Variants in PRKD3 observed in about 807,000 individuals in gnomAD.
PRKD3 encodes the protein serine/threonine-protein kinase D3.
In PRKD3, 47 loss-of-function variants were observed where a neutral mutation model predicts 99.2. The ratio of observed to expected loss-of-function variants is 0.47; its 90% CI spans 0.38 to 0.60. The LOEUF (loss-of-function observed/expected upper bound fraction) is 0.60, where lower values mean the gene tolerates loss of function less well. Ranked by LOEUF, PRKD3 falls within the 20% of genes least tolerant of loss-of-function variation. The pLI, the probability that PRKD3 is intolerant of heterozygous loss-of-function variation, is 0.00. For missense variants in PRKD3, 1,019 were observed against 1,088.4 expected, an observed-to-expected ratio of 0.94 and a Z score of 0.90; for synonymous variants, 392 against 355.4, an observed-to-expected ratio of 1.10 and a Z score of -1.16.
chr2:37,254,757 A>C (rs941856653), intron 17 of PRKD3, among the ~76,000 whole-genome samples: 2 of 152,170 alleles, frequency 1.3e-5, no homozygotes, highest in Non-Finnish European at 2.9e-5. Flanking sequence ...AATGCTAGAG[A>C]GCACTCTAGT....
chr2:37,271,845 T>C (rs921886854), intron 12 of PRKD3, among the ~76,000 whole-genome samples: 6 of 152,176 alleles, frequency 3.9e-5, no homozygotes, highest in Admixed American at 3.9e-4. Flanking sequence ...CCTAAGGTAC[T>C]TACTAAAAAG....
chr2:37,272,555 C>CATT, intron 11 of PRKD3, 123 bp from the exon 12 acceptor site: 4 of 1,252,016 alleles, frequency 3.2e-6, no homozygotes, highest in Non-Finnish European at 3.2e-6. Flanking sequence ...CAATTATGTA[C>CATT]ATTAACAAAA....
intron 7 of PRKD3, among the ~76,000 whole-genome samples, chr2:37,281,479 T>G (rs1249769661): frequency 6.6e-6 from 1 of 152,130 alleles, no homozygotes; most frequent in Admixed American, 6.5e-5. Context: ...GAAGGTGGTA[T>G]CTTTGGGATG....
chr2:37,259,492 A>C (rs768934253), intron 16 of PRKD3, 91 bp downstream of exon 16: 18 of 886,902 alleles, frequency 2.0e-5, no homozygotes, highest in Non-Finnish European at 3.0e-5. Context: ...ATGCATTTTT[A>C]ACCAACAGTA....
rs764038827 is a variant in PRKD3, at chr2:37,272,388, C to T, written c.1696G>A (p.Glu566Lys). The change falls in exon 12 of 19, where the codon GAG (glutamate) becomes AAG (lysine). Residue 566 changes from glutamate (E) to lysine (K), a missense_variant. By Grantham distance (56) the Glu-to-Lys change is moderately conservative. Coordinates refer to ENST00000234179, the MANE Select transcript of PRKD3 (RefSeq NM_005813.6). ...CTATAACGATTACTTACCACATTCT[C>T]CTGAATCTGACAATTAGATACAGAG... ...SISVSNCQIQ[E>K]NVDISTVYQI... 3 of 1,605,508 alleles carry T rather than the reference C, an allele frequency of 1.9e-6. No individual in the cohort carries two copies. The highest frequency in any genetic ancestry group is 2.5e-6 in the Non-Finnish European group (3 of 1,177,574).
intron 17 of PRKD3, among the ~76,000 whole-genome samples, chr2:37,255,568 G>A (rs890615489): frequency 5.9e-5 from 9 of 152,162 alleles, no homozygotes; most frequent in Non-Finnish European, 7.3e-5. Flanking sequence ...AGGTCCACAG[G>A]AGAGAGGAAA....
At chr2:37,293,394 C>T in intron 2 of PRKD3, 123 bp from the exon 3 acceptor site, 2 of 903,312 alleles carry the variant, frequency 2.2e-6, no homozygotes, top group Non-Finnish European at 3.1e-6. Context: ...GCTAACAATT[C>T]TATTGATACC....
At chr2:37,312,679 C>T (rs1004116592) in intron 2 of PRKD3, among the ~76,000 whole-genome samples, 2 of 152,154 alleles carry the variant, frequency 1.3e-5, no homozygotes, top group African/African-American at 2.4e-5. Context: ...AGTAACTACA[C>T]GTGTTCAATA....
chr2:37,271,853 A>C (rs1279509008), intron 12 of PRKD3, among the ~76,000 whole-genome samples: 1 of 152,126 alleles, frequency 6.6e-6, no homozygotes, highest in Non-Finnish European at 1.5e-5. Context: ...ACTTACTAAA[A>C]AGTTTACGGA....
chr2:37,274,461 T>C lies in PRKD3; in HGVS notation c.1611A>G (p.Gln537=). ...IRQALMPVTP[Q]ASVCTSPGQG... ...GCCCTGGAGAAGTGCAAACACTTGC[T>C]TGAGGAGTAACAGGCATGAGGGCTT... Residue 537 remains glutamine, a synonymous_variant, in exon 11 of 19, where the codon CAA becomes CAG. Transcript: ENST00000234179. 6.2e-7 allele frequency: 1 copy of C among 1,614,134 alleles called. No homozygotes were observed. The highest frequency in any genetic ancestry group is 8.5e-7 in the Non-Finnish European group (1 of 1,179,968).
chr2:37,292,350 C>CTT (rs987226119), intron 3 of PRKD3, among the ~76,000 whole-genome samples: 23 of 143,040 alleles, frequency 1.6e-4, no homozygotes, highest in African/African-American at 4.3e-4. Context: ...TGATTTTTTC[C>CTT]TTTTTTTTTT....
At chr2:37,286,728 C>T (rs1670111830) in intron 5 of PRKD3, among the ~76,000 whole-genome samples, 1 of 152,102 alleles carries the variant, frequency 6.6e-6, no homozygotes, top group Admixed American at 6.5e-5. Context: ...CTGAATGTGA[C>T]ATCTGAATAT....
chr2:37,291,570 A>G (rs1670424784), intron 3 of PRKD3, among the ~76,000 whole-genome samples: 1 of 152,188 alleles, frequency 6.6e-6, no homozygotes, highest in African/African-American at 2.4e-5. Flanking sequence ...GAAGGAAGAG[A>G]TGTGAGCAGG....
At chr2:37,286,461 C>A in intron 5 of PRKD3, 92 bp from the exon 6 acceptor site, 1 of 1,081,454 alleles carries the variant, frequency 9.2e-7, no homozygotes, top group African/African-American at 1.6e-5. Flanking sequence ...TTATTTCAAA[C>A]ACTAAAGCCA....
rs35486634 is a variant in PRKD3 at position 37,279,760 on chromosome 2, G to A, written c.1158C>T (p.Ala386=). The change falls in exon 8 of 19, where the codon GCC becomes GCT. Residue 386 remains alanine, a synonymous_variant. Coordinates refer to ENST00000234179, the MANE Select transcript of PRKD3 (RefSeq NM_005813.6). ...SDLDVERDEE[A]VKTISPSTSN... is the part of the protein sequence containing the mutation. ...ATATATATTACCTGATTGTTTTAAC[G>A]GCTTCTTCATCTCTTTCCACATCGA... 28 of 1,612,254 alleles carry A rather than the reference G, an allele frequency of 1.7e-5. No homozygotes were observed. In the African/African-American group the frequency reaches 2.0e-4, roughly 12 times the overall value.
chr2:37,254,637 T>C (rs1013869495), intron 17 of PRKD3, among the ~76,000 whole-genome samples: 1 of 152,192 alleles, frequency 6.6e-6, no homozygotes, highest in African/African-American at 2.4e-5. Flanking sequence ...ATGAAGTTGC[T>C]GACATATGTT....
chr2:37,263,105 T>C (rs889802635), intron 14 of PRKD3, among the ~76,000 whole-genome samples: 1 of 152,186 alleles, frequency 6.6e-6, no homozygotes, highest in Non-Finnish European at 1.5e-5. Context: ...TTGTTCATTC[T>C]TCAACTCCTT....
At chr2:37,282,463 G>C in intron 7 of PRKD3, 79 bp downstream of exon 7, 1 of 932,760 alleles carries the variant, frequency 1.1e-6, no homozygotes, top group African/African-American at 1.7e-5. Flanking sequence ...CAGGAAAACA[G>C]AACCTTATCC....
Position 37,274,597 on chromosome 2 carries a change from G to T in PRKD3, c.1475C>A (p.Thr492Asn). Residue 492 changes from threonine to asparagine, a missense_variant, in exon 11 of 19, where the codon ACT becomes AAT. Thr to Asn is a moderately conservative substitution (Grantham distance 65). Coordinates refer to ENST00000234179, the MANE Select transcript of PRKD3 (RefSeq NM_005813.6). ...NPHCFEIITD[T>N]MVYFVGENNG... ...GTTCTCACCAACGAAGTATACCATA[G>T]TATCAGTAATGATTTCAAAACAGTG... The T allele has an allele frequency of 6.2e-7, 1 of 1,614,106 alleles. No individual in the cohort carries two copies.
Sources: gnomAD v4.1 joint callset for allele counts (sites outside exome capture counted in the v4.1 genomes callset) on GRCh38, gnomAD v4.1.1 for gene constraint, MANE v1.5 for transcripts, NCBI Gene and HGNC (gene_info 2026-07-23, HGNC 2026-07-21) for gene names.